ATXN10: variants seen among roughly 807,000 people sequenced by gnomAD.
The protein encoded by ATXN10 is ataxin-10.
A neutral mutation model predicts 52.9 loss-of-function variants in ATXN10; 28 were observed. The observed-to-expected ratio is 0.53, with a 90% CI of 0.39 to 0.73. The LOEUF (loss-of-function observed/expected upper bound fraction) is 0.73. ATXN10 is among the 30% of genes least tolerant of loss of function. The pLI is 0.00. For synonymous variants in ATXN10, 226 were observed against 221.5 expected (o/e 1.02, Z -0.18); for missense variants, 565 against 577.0 (o/e 0.98, Z 0.21).
intron 9 of ATXN10, among the ~76,000 whole-genome samples, chr22:45,747,303 G>T (rs997229109): frequency 1.3e-5 from 2 of 152,118 alleles, no homozygotes; most frequent in Non-Finnish European, 2.9e-5. Context: ...TCAGAAGTTG[G>T]AGACCAGCCA....
chr22:45,791,712 A>G (rs1927517705), intron 9 of ATXN10, among the ~76,000 whole-genome samples: 1 of 152,100 alleles, frequency 6.6e-6, no homozygotes, highest in Admixed American at 6.5e-5. Context: ...AAGGGGATCT[A>G]TTTTCATAAG....
At chr22:45,743,260 C>T (rs1010424033) in intron 9 of ATXN10, among the ~76,000 whole-genome samples, 2 of 152,184 alleles carry the variant, frequency 1.3e-5, no homozygotes, top group East Asian at 1.9e-4. Flanking sequence ...CAGTTTCTTA[C>T]GTGTGTCAAC....
At chr22:45,735,130 C>T (rs1477325612) in intron 7 of ATXN10, among the ~76,000 whole-genome samples, 1 of 152,032 alleles carries the variant, frequency 6.6e-6, no homozygotes, top group Admixed American at 6.5e-5. Context: ...CCACCCGCCT[C>T]GGGCTCCCAA....
intron 10 of ATXN10, among the ~76,000 whole-genome samples, chr22:45,821,068 C>G (rs749307279): frequency 6.6e-6 from 1 of 152,196 alleles, no homozygotes; most frequent in Non-Finnish European, 1.5e-5. Flanking sequence ...AGAATGATGA[C>G]TCTGTCAGAT....
In ATXN10 at chr22:45,795,059, T is replaced by C. The variant is rs1482768499; in HGVS notation, c.1174-11900T>C. 6.6e-6 allele frequency among the ~76,000 whole-genome samples: 1 copy of C among 152,172 alleles called. No homozygotes were observed. Among genetic ancestry groups the C allele is most frequent in the Non-Finnish European group, 1.5e-5 (1 of 68,030 alleles). On this transcript the variant is annotated intron_variant, in intron 9 of 11. Transcript: ENST00000252934. The surrounding 1 kb of genome is among the most constrained non-coding windows in gnomAD (Gnocchi z 4.6). ...AGAGTATACAGTTACAACATTCTTA[T>C]ATTGTATGTGGGGTAGTATGGTATT...
chr22:45,710,972 C>A (rs774796851), intron 5 of ATXN10, among the ~76,000 whole-genome samples: 1 of 152,074 alleles, frequency 6.6e-6, no homozygotes, highest in Admixed American at 6.5e-5. Context: ...TGAGAGACCC[C>A]CAAAGGGTCT....
intron 5 of ATXN10, among the ~76,000 whole-genome samples, chr22:45,713,134 C>T (rs1455374868): frequency 1.3e-5 from 2 of 152,052 alleles, no homozygotes; most frequent in Non-Finnish European, 2.9e-5. Flanking sequence ...TCTCTGTTTA[C>T]TGGTGAGGAG....
At chr22:45,746,003 A>G (rs569851327) in intron 9 of ATXN10, among the ~76,000 whole-genome samples, 1 of 152,098 alleles carries the variant, frequency 6.6e-6, no homozygotes, top group African/African-American at 2.4e-5. Flanking sequence ...TTATGTTTGA[A>G]TATATTCTAA....
rs1411285384 is a variant in ATXN10 at position 45,690,876 on chromosome 22, A to G, written c.308+973A>G. On this transcript the variant is annotated intron_variant, in intron 2 of 11. Transcript: ENST00000252934. This position sits in a 1 kb window ranked among gnomAD's most constrained non-coding sequence, Gnocchi z 4.5. ...TTACTTGAAGTCAGAAGCCACAAACAGGATGCTCACTTTCCTTCCTGGACT... is the reference window on the plus strand; with the variant it reads ...TTACTTGAAGTCAGAAGCCACAAACGGGATGCTCACTTTCCTTCCTGGACT... Among the ~76,000 whole-genome samples, 1 of 152,208 alleles carries G rather than the reference A, an allele frequency of 6.6e-6. No homozygotes were observed. Among genetic ancestry groups the G allele is most frequent in the East Asian group, 1.9e-4 (1 of 5,200 alleles).
rs998353510 is a variant in ATXN10 at position 45,844,595 on chromosome 22, A to G, written c.*924A>G. On this transcript the variant is annotated 3_prime_UTR_variant, in exon 12 of 12. Transcript: ENST00000252934. The stretch of plus-strand genomic sequence containing the variant: ...TATCTGTCTGTCTGTTCATCTATCT[A>G]TCTGTCTGCTGTATGAGAGGTAGGA... The G allele has an allele frequency of 7.2e-5, 11 of 152,138 alleles. No individual in the cohort carries two copies. The highest frequency in any genetic ancestry group is 1.9e-4 in the East Asian group (1 of 5,186). The allele number at this position is 152,138 out of a possible 1,614,324, so 9.4% of individuals were successfully genotyped here.
At chr22:45,735,092 T>A in intron 7 of ATXN10, among the ~76,000 whole-genome samples, 1 of 152,080 alleles carries the variant, frequency 6.6e-6, no homozygotes, top group Non-Finnish European at 1.5e-5. Flanking sequence ...TTGGCCAGGC[T>A]GGTCTTGAAC....
At chr22:45,735,186 A>C (rs893947545) in intron 7 of ATXN10, among the ~76,000 whole-genome samples, 1 of 152,034 alleles carries the variant, frequency 6.6e-6, no homozygotes, top group Non-Finnish European at 1.5e-5. Context: ...GCCAGGTTGT[A>C]TTTTAATATA....
rs1922804673 is a variant in ATXN10, at chr22:45,678,879, G to A, written c.116+6700G>A. ...ACTTTGAACTACTGACATAGGAGTA[G>A]CTCACATGCTATTAAATTATTAAAT... is the stretch of plus-strand genomic sequence containing the variant. On this transcript the variant is annotated intron_variant, in intron 1 of 11. Transcript: ENST00000252934. The surrounding 1 kb of genome is among the most constrained non-coding windows in gnomAD (Gnocchi z 4.1). 6.6e-6 allele frequency: 1 copy of A among 152,098 alleles called. No homozygotes were observed. The highest frequency in any genetic ancestry group is 2.1e-4 in the South Asian group (1 of 4,820). 9.4% of individuals were successfully genotyped at this position (152,098 alleles called of 1,614,324 possible).
rs1423777487 is a variant in ATXN10 at position 45,740,254 on chromosome 22, T to G, written c.1004-115T>G. 3 of 980,168 alleles carry G rather than the reference T, an allele frequency of 3.1e-6. No individual in the cohort carries two copies. In the Admixed American group the frequency reaches 6.4e-5, roughly 21 times the overall value. 60.7% of individuals were successfully genotyped at this position (980,168 alleles called of 1,614,324 possible). On this transcript the variant is annotated intron_variant, in intron 8 of 11. Coordinates refer to ENST00000252934, the MANE Select transcript of ATXN10 (RefSeq NM_013236.4). ...TAATCATTATTTAAATAAAGCTTTC[T>G]GTGCTCTACCTTTAGCCTATTACAA...
At chr22:45,686,760 A>G (rs1363037352) in intron 1 of ATXN10, among the ~76,000 whole-genome samples, 1 of 151,322 alleles carries the variant, frequency 6.6e-6, no homozygotes, top group Non-Finnish European at 1.5e-5. Context: ...TGGAGGTTGC[A>G]GTGAGCTGAG....
rs9614761 is a variant in ATXN10 at position 45,699,478 on chromosome 22, T to C, written c.392-804T>C. ...TATTCAGTAGAAATCTTTTTTTTTT[T>C]CTTTTTCTTTCCTTTTTTTTTTTTT... On this transcript the variant is annotated intron_variant, in intron 3 of 11. Coordinates refer to ENST00000252934, the MANE Select transcript of ATXN10 (RefSeq NM_013236.4). Among the ~76,000 whole-genome samples, 8 of 150,112 alleles carry C rather than the reference T, an allele frequency of 5.3e-5. No individual in the cohort carries two copies. The East Asian group carries it at 9.7e-4, about 18-fold the overall frequency.
chr22:45,680,771 A>C (rs1005894165), intron 1 of ATXN10, among the ~76,000 whole-genome samples: 2 of 151,998 alleles, frequency 1.3e-5, no homozygotes, highest in Non-Finnish European at 2.9e-5. Flanking sequence ...GAACCCTTTA[A>C]GGTTTTTTTA....
At chr22:45,821,505 AG>A (rs1928648543) in intron 10 of ATXN10, among the ~76,000 whole-genome samples, 1 of 152,184 alleles carries the variant, frequency 6.6e-6, no homozygotes. Context: ...AAAGCAAGTC[AG>A]GCATCTGAGC....
rs918672361 is a variant in ATXN10 at position 45,682,831 on chromosome 22, C to T, written c.117-6881C>T. On this transcript the variant is annotated intron_variant, in intron 1 of 11. Coordinates refer to ENST00000252934, the MANE Select transcript of ATXN10 (RefSeq NM_013236.4). ...CCTCATAAGAATCCATCATCAAGTC[C>T]TATTGGCTCTATCTTTAAAATATCC... Among the ~76,000 whole-genome samples the T allele has an allele frequency of 2.0e-5, 3 of 152,178 alleles. No homozygotes were observed. In the East Asian group the frequency reaches 5.8e-4, roughly 29 times the overall value.
Sources: allele counts gnomAD v4.1 joint callset (sites outside exome capture counted in the v4.1 genomes callset), GRCh38; gene constraint gnomAD v4.1.1; non-coding constraint Gnocchi (gnomAD v3.1); transcripts MANE v1.5; gene names NCBI Gene and HGNC (gene_info 2026-07-23, HGNC 2026-07-21).